PDXDC1: variants seen among roughly 807,000 people sequenced by gnomAD.
PDXDC1 encodes the protein pyridoxal-dependent decarboxylase domain-containing protein 1.
In PDXDC1, 42 loss-of-function variants were observed where a neutral mutation model predicts 100.1. The observed-to-expected ratio is 0.42, with a 90% CI of 0.33 to 0.54. The LOEUF (loss-of-function observed/expected upper bound fraction) is 0.54, where lower values mean the gene tolerates loss of function less well. PDXDC1 is among the 20% of genes least tolerant of loss of function. The pLI is 0.10. For missense variants in PDXDC1, 636 were observed against 979.2 expected, an observed-to-expected ratio of 0.65 and a Z score of 4.68; for synonymous variants, 260 against 371.7, an observed-to-expected ratio of 0.70 and a Z score of 3.46.
intron 1 of PDXDC1, among the ~76,000 whole-genome samples, chr16:14,984,728 G>A (rs1366463138): frequency 2.0e-5 from 3 of 151,894 alleles, no homozygotes; most frequent in Non-Finnish European, 2.9e-5. Flanking sequence ...AACTCCTATC[G>A]TGATCCGCCC....
chr16:15,125,850 T>G (rs767407380), intron 16 of PDXDC1: 1 of 885,730 alleles, frequency 1.1e-6, no homozygotes, highest in Non-Finnish European at 1.8e-6. Flanking sequence ...AGCTCAGACC[T>G]GCTCAGGACC....
rs2043433040 is a variant in PDXDC1 at position 15,036,126 on chromosome 16, GAGC to G, written c.2221_2223del (p.Gln741del). On this transcript the variant is annotated inframe_deletion, in exon 23 of 23. Transcript: ENST00000396410. Reference sequence around the variant, plus strand: ...GGTGGAGCGCCTATCCAGTGGGCCGGAGCAGATCACCCTCGAGGCCAGCAGCAC... The same window carrying G: ...GGTGGAGCGCCTATCCAGTGGGCCGGAGATCACCCTCGAGGCCAGCAGCAC... The G allele has an allele frequency of 1.2e-6, 2 of 1,614,176 alleles. No individual in the cohort carries two copies. The highest frequency in any genetic ancestry group is 1.3e-5 in the African/African-American group (1 of 75,052).
chr16:15,078,126 T>C (rs2045544118), intron 16 of PDXDC1, among the ~76,000 whole-genome samples: 1 of 152,216 alleles, frequency 6.6e-6, no homozygotes, highest in African/African-American at 2.4e-5. Context: ...TTCTAAAATG[T>C]TCCTTAAGTA....
At chr16:15,082,259 T>C (rs1259964789) in intron 16 of PDXDC1, among the ~76,000 whole-genome samples, 2 of 152,216 alleles carry the variant, frequency 1.3e-5, no homozygotes, top group Non-Finnish European at 2.9e-5. Context: ...TTTCCTTCTG[T>C]TTTTCTCGTA....
the PDXDC1 span, among the ~76,000 whole-genome samples, chr16:15,144,878 C>A: frequency 6.6e-6 from 1 of 152,192 alleles, no homozygotes; most frequent in East Asian, 1.9e-4. Flanking sequence ...GCGCTTCATA[C>A]GTATGCCACC....
At chr16:15,104,296 C>G (rs2046680760) in intron 16 of PDXDC1, 2 of 1,484,130 alleles carry the variant, frequency 1.3e-6, no homozygotes, top group Non-Finnish European at 1.8e-6. Context: ...AAAGCAATAA[C>G]ATAAGGACTG....
intron 15 of PDXDC1, 100 bp downstream of exon 15, chr16:15,029,066 C>T (rs1406050814): frequency 7.3e-7 from 1 of 1,360,992 alleles, no homozygotes; most frequent in Non-Finnish European, 1.0e-6. Flanking sequence ...GAACTGAGGC[C>T]CACAGGAGGA....
intron 11 of PDXDC1, among the ~76,000 whole-genome samples, chr16:15,017,666 G>A (rs1344785564): frequency 6.6e-6 from 1 of 152,258 alleles, no homozygotes; most frequent in Non-Finnish European, 1.5e-5. Flanking sequence ...TTTTGTTACT[G>A]AAATAATGAA....
intron 16 of PDXDC1, among the ~76,000 whole-genome samples, chr16:15,076,060 G>A (rs1370236441): frequency 1.3e-5 from 2 of 152,138 alleles, no homozygotes; most frequent in African/African-American, 2.4e-5. Context: ...GGTGGGAGCA[G>A]GCTGTAGCGA....
the PDXDC1 span, among the ~76,000 whole-genome samples, chr16:15,149,219 T>C: frequency 4.6e-5 from 7 of 152,300 alleles, no homozygotes; most frequent in East Asian, 1.2e-3. Flanking sequence ...TGTGGGAGCT[T>C]TGAAACCTGG....
intron 16 of PDXDC1, chr16:15,131,678 C>T (rs1391194970): frequency 2.5e-5 from 39 of 1,551,220 alleles, no homozygotes; most frequent in Admixed American, 1.4e-4. Flanking sequence ...GGTGCCCGCA[C>T]GTCTGAGCTG....
At chr16:15,098,200 A>AT (rs35540128) in intron 16 of PDXDC1, among the ~76,000 whole-genome samples, 3,011 of 112,736 alleles carry the variant, frequency 0.027, 123 homozygotes, top group African/African-American at 0.087. Context: ...GATATCTATG[A>AT]TTTTTTTTTT....
chr16:15,047,537 G>C (rs370080167), intron 16 of PDXDC1: 129 of 1,613,188 alleles, frequency 8.0e-5, no homozygotes, highest in Middle Eastern at 4.9e-4. Context: ...GTGTCAAGCA[G>C]GTGGCCCCAT....
Position 15,037,429 on chromosome 16 carries a change from T to C in PDXDC1, c.*1154T>C, listed in dbSNP as rs1276420882. 1 of 152,324 alleles carries C rather than the reference T, an allele frequency of 6.6e-6. No individual in the cohort carries two copies. Among genetic ancestry groups the C allele is most frequent in the Non-Finnish European group, 1.5e-5 (1 of 68,158 alleles). 9.4% of individuals were successfully genotyped at this position (152,324 alleles called of 1,614,324 possible). A position where few individuals can be genotyped will look rare whatever the true frequency, so the allele number is the denominator to read the frequency against. ...TTATAGTATATTAAGCCTATAATTA[T>C]ACTCTGATTTGATGGGATTTTTGAC... On this transcript the variant is annotated 3_prime_UTR_variant, in exon 23 of 23. Transcript: ENST00000396410.
At chr16:15,148,365 C>T in the PDXDC1 span, among the ~76,000 whole-genome samples, 1 of 132,220 alleles carries the variant, frequency 7.6e-6, no homozygotes, top group Non-Finnish European at 1.6e-5. Context: ...TGTTCAGATC[C>T]TGTGATTTTT....
At chr16:14,991,060 A>G (rs1441546169) in intron 1 of PDXDC1, among the ~76,000 whole-genome samples, 2 of 152,406 alleles carry the variant, frequency 1.3e-5, no homozygotes, top group African/African-American at 2.4e-5. Flanking sequence ...CAATTTAAAC[A>G]TAAGCCAGTT....
intron 8 of PDXDC1, among the ~76,000 whole-genome samples, chr16:15,013,363 A>G (rs1418265441): frequency 1.3e-5 from 2 of 151,450 alleles, no homozygotes; most frequent in Admixed American, 6.6e-5. Context: ...AAAAAAGAAA[A>G]AAAAAAAAAA....
Position 15,034,299 on chromosome 16 carries a change from T to G in PDXDC1, c.1826T>G (p.Met609Arg). ...GTCTTGCCACAGCTTCTGGAAAACATGACAGAAGTGGTTCGGAAAGGCATT... is the reference window on the plus strand; with the variant it reads ...GTCTTGCCACAGCTTCTGGAAAACAGGACAGAAGTGGTTCGGAAAGGCATT... ...IEENSRLLEN[M>R]TEVVRKGIQE... is the part of the protein sequence containing the mutation. Residue 609 changes from methionine (M) to arginine (R), a missense_variant, in exon 20 of 23, where the codon ATG becomes AGG. Met to Arg is a moderately conservative substitution (Grantham distance 91). Transcript: ENST00000396410. 2 of 1,613,146 alleles carry G rather than the reference T, an allele frequency of 1.2e-6. No homozygotes were observed. The highest frequency in any genetic ancestry group is 1.7e-6 in the Non-Finnish European group (2 of 1,179,864).
chr16:14,992,035 A>G (rs1349717222), intron 1 of PDXDC1, among the ~76,000 whole-genome samples: 2 of 152,286 alleles, frequency 1.3e-5, no homozygotes, highest in African/African-American at 2.4e-5. Flanking sequence ...TGCCTTCAAG[A>G]AGCTTGTAAT....
Sources: allele counts gnomAD v4.1 joint callset (sites outside exome capture counted in the v4.1 genomes callset), GRCh38; gene constraint gnomAD v4.1.1; transcripts MANE v1.5; gene names NCBI Gene and HGNC (gene_info 2026-07-23, HGNC 2026-07-21).